The following ALDH1L2 variants were observed in gnomAD, a reference collection of about 807,000 sequenced individuals.
ALDH1L2 encodes the protein mitochondrial 10-formyltetrahydrofolate dehydrogenase.
In ALDH1L2, 91 loss-of-function variants were observed where a neutral mutation model predicts 111.0. That is an observed-to-expected ratio of 0.82 (90% CI 0.69 to 0.98). The LOEUF (loss-of-function observed/expected upper bound fraction) is 0.98, where lower values mean the gene tolerates loss of function less well. ALDH1L2 is among the 50% of genes least tolerant of loss of function. ALDH1L2 has a pLI of 0.00. For missense variants in ALDH1L2, 995 were observed against 1,126.8 expected, an observed-to-expected ratio of 0.88 and a Z score of 1.67; for synonymous variants, 374 against 392.6, an observed-to-expected ratio of 0.95 and a Z score of 0.56.
At position 105,062,907 on chromosome 12, in the gene ALDH1L2, A is replaced by G. The variant is rs774614852; in HGVS notation, c.902T>C (p.Phe301Ser). The G allele has an allele frequency of 6.2e-6, 10 of 1,611,136 alleles. No homozygotes were observed. Among genetic ancestry groups the G allele is most frequent in the Middle Eastern group, 1.6e-4 (1 of 6,062 alleles). ...ACTCACTGCTTTTCCATCGTTACCA[A>G]AAAGAACAAGTCCATTTTTGGTAAC... ...GLVTKNGLVL[F>S]GNDGKALTVR... Residue 301 changes from phenylalanine to serine, a missense_variant, in exon 7 of 23, where the codon TTT (phenylalanine) becomes TCT (serine). Transcript: ENST00000258494.
At chr12:105,080,580 A>G (rs1224384355) in intron 1 of ALDH1L2, among the ~76,000 whole-genome samples, 1 of 152,184 alleles carries the variant, frequency 6.6e-6, no homozygotes, top group Non-Finnish European at 1.5e-5. Flanking sequence ...CAGTTTTCTT[A>G]TCAGCAAAAT....
intron 13 of ALDH1L2, 75 bp downstream of exon 13, chr12:105,049,833 T>C: frequency 6.9e-7 from 1 of 1,457,720 alleles, no homozygotes; most frequent in Non-Finnish European, 9.2e-7. Flanking sequence ...AAAAAGAGGA[T>C]CTGACACAGT....
In ALDH1L2 at chr12:105,022,076, C is replaced by T. The variant is rs184852662; in HGVS notation, c.*2348G>A. On this transcript the variant is annotated 3_prime_UTR_variant, in exon 23 of 23. Transcript: ENST00000258494. Reference sequence around the variant, plus strand: ...AATAATCCGTGATCTAAAGCAACAGCGATGATTTTATTACTCTATGTGTTA... The same window carrying T: ...AATAATCCGTGATCTAAAGCAACAGTGATGATTTTATTACTCTATGTGTTA... The T allele has an allele frequency of 1.4e-4, 21 of 152,236 alleles. No homozygotes were observed. Among genetic ancestry groups the T allele is most frequent in the African/African-American group, 4.1e-4 (17 of 41,538 alleles). The allele number at this position is 152,236 out of a possible 1,614,324, so 9.4% of individuals were successfully genotyped here.
At chr12:105,032,001 TAGGTGTTATACTA>T in intron 19 of ALDH1L2, 67 bp from the exon 20 acceptor site, 3 of 1,537,328 alleles carry the variant, frequency 2.0e-6, no homozygotes, top group South Asian at 1.2e-5. Flanking sequence ...TACCAAGTGG[TAGGTGTTATACTA>T]AGGTGTTTAT....
At chr12:105,077,254 T>C (rs1878097875) in intron 1 of ALDH1L2, among the ~76,000 whole-genome samples, 1 of 151,812 alleles carries the variant, frequency 6.6e-6, no homozygotes, top group Non-Finnish European at 1.5e-5. Context: ...AGTTCTATAA[T>C]CTAATCTTGT....
rs76676099 is a variant in ALDH1L2, at chr12:105,056,050, A to G, written c.1287+2023T>C. Among the ~76,000 whole-genome samples the G allele has an allele frequency of 4.6e-3, 694 of 152,324 alleles. 21 individuals carry two copies. The East Asian group carries it at 0.079, about 17-fold the overall frequency. On this transcript the variant is annotated intron_variant, in intron 10 of 22. Coordinates refer to ENST00000258494, the MANE Select transcript of ALDH1L2 (RefSeq NM_001034173.4). ...GAAAAACATTAATTTGCACATTTCA[A>G]GAATGCACAATCCAAGAAGCTCAAC...
Position 105,057,682 on chromosome 12 carries a change from A to G in ALDH1L2, c.1287+391T>C, listed in dbSNP as rs79662244. On this transcript the variant is annotated intron_variant, in intron 10 of 22. Transcript: ENST00000258494. The stretch of plus-strand genomic sequence containing the variant: ...CCACATGTTGTATGATTCTATTTAT[A>G]TGAAATCTCTAAAATAGGCAAATCC... 2.6e-3 allele frequency among the ~76,000 whole-genome samples: 389 copies of G among 152,340 alleles called. 2 individuals carry two copies. Among genetic ancestry groups the G allele is most frequent in the African/African-American group, 8.8e-3 (366 of 41,588 alleles).
At chr12:105,073,694 G>T (rs928302978) in intron 2 of ALDH1L2, 167 bp downstream of exon 2, 1 of 894,972 alleles carries the variant, frequency 1.1e-6, no homozygotes, top group Non-Finnish European at 1.7e-6. Flanking sequence ...TATGGATTAT[G>T]CCCTTAATAA....
Position 105,049,988 on chromosome 12 carries a change from A to G in ALDH1L2, c.1606T>C (p.Tyr536His), listed in dbSNP as rs1015506000. The G allele has an allele frequency of 2.5e-6, 4 of 1,612,894 alleles. No homozygotes were observed. The highest frequency in any genetic ancestry group is 3.4e-6 in the Non-Finnish European group (4 of 1,179,306). Residue 536 changes from tyrosine to histidine, a missense_variant, in exon 13 of 23, where the codon TAT becomes CAT. Tyr to His is a moderately conservative substitution (Grantham distance 83). Coordinates refer to ENST00000258494, the MANE Select transcript of ALDH1L2 (RefSeq NM_001034173.4). ...TIEALDSGAV[Y>H]TLALKTHIGM... ...ATGTGTGTCTTCAGGGCCAAGGTAT[A>G]GACAGCCCCTGAATCAAGGGCTTCA...
intron 2 of ALDH1L2, chr12:105,072,585 T>C (rs1230348237): frequency 1.3e-5 from 2 of 151,930 alleles, no homozygotes; most frequent in Admixed American, 1.3e-4. Flanking sequence ...GGATAAACGG[T>C]GGTTAAAAAA....
chr12:105,059,010 T>C (rs1876814611), intron 9 of ALDH1L2, among the ~76,000 whole-genome samples: 1 of 151,840 alleles, frequency 6.6e-6, no homozygotes, highest in Non-Finnish European at 1.5e-5. Flanking sequence ...GGCTCACACC[T>C]GTAATCCCAA....
intron 6 of ALDH1L2, among the ~76,000 whole-genome samples, chr12:105,063,967 CTT>C (rs201497480): frequency 3.2e-4 from 43 of 135,446 alleles, no homozygotes; most frequent in African/African-American, 6.4e-4. Flanking sequence ...TGTATTAATT[CTT>C]TTTTTTTTTT....
At chr12:105,058,794 G>C (rs1242678251) in intron 9 of ALDH1L2, among the ~76,000 whole-genome samples, 1 of 152,080 alleles carries the variant, frequency 6.6e-6, no homozygotes, top group Non-Finnish European at 1.5e-5. Context: ...GAATAGCAGT[G>C]GTGTACGAGG....
intron 3 of ALDH1L2, among the ~76,000 whole-genome samples, chr12:105,070,073 C>T (rs1877587699): frequency 6.6e-6 from 1 of 152,204 alleles, no homozygotes. Flanking sequence ...TGTATTCAGA[C>T]TCCCTCTAGG....
intron 15 of ALDH1L2, 88 bp from the exon 16 acceptor site, chr12:105,040,782 G>T: frequency 2.9e-6 from 3 of 1,019,404 alleles, no homozygotes; most frequent in Non-Finnish European, 3.1e-6. Context: ...AGCTGCACTA[G>T]ATCTCATTTT....
intron 2 of ALDH1L2, 95 bp from the exon 3 acceptor site, chr12:105,070,899 AT>A: frequency 1.9e-6 from 2 of 1,051,668 alleles, no homozygotes; most frequent in Non-Finnish European, 2.7e-6. Context: ...TTCATGAAAT[AT>A]TTACAAATAA....
intron 1 of ALDH1L2, among the ~76,000 whole-genome samples, chr12:105,079,734 G>A (rs1878245343): frequency 2.4e-5 from 1 of 41,332 alleles, no homozygotes; most frequent in Admixed American, 3.4e-4. Flanking sequence ...AGCTCCTTAC[G>A]AAAAGAAAAG....
chr12:105,081,194 A>G (rs1878320142), intron 1 of ALDH1L2, among the ~76,000 whole-genome samples: 1 of 152,244 alleles, frequency 6.6e-6, no homozygotes, highest in Non-Finnish European at 1.5e-5. Flanking sequence ...TCCCCTATGA[A>G]TACAAGGGAC....
At chr12:105,047,372 A>C (rs1333492704) in intron 13 of ALDH1L2, 1 of 204,500 alleles carries the variant, frequency 4.9e-6, no homozygotes, top group East Asian at 1.3e-4. Context: ...AAGGCATTGG[A>C]AGGGGAATGC....
Sources: allele counts gnomAD v4.1 joint callset (sites outside exome capture counted in the v4.1 genomes callset), GRCh38; gene constraint gnomAD v4.1.1; transcripts MANE v1.5; gene names NCBI Gene and HGNC (gene_info 2026-07-23, HGNC 2026-07-21).